The following CDH12 variants were observed in gnomAD, a reference collection of about 807,000 sequenced individuals.
CDH12 encodes cadherin 12, also known as cadherin-12.
A neutral mutation model predicts 74.1 loss-of-function variants in CDH12; 41 were observed. That is an observed-to-expected ratio of 0.55 (90% CI 0.43 to 0.72). The LOEUF is 0.72. CDH12 is among the 30% of genes least tolerant of loss of function. The pLI, the probability that CDH12 is intolerant of heterozygous loss-of-function variation, is 0.00. For missense variants in CDH12, 945 were observed against 977.2 expected, an observed-to-expected ratio of 0.97 and a Z score of 0.44; for synonymous variants, 399 against 355.0, an observed-to-expected ratio of 1.12 and a Z score of -1.39.
intron 10 of CDH12, among the ~76,000 whole-genome samples, chr5:21,798,742 T>C (rs1163010983): frequency 2.0e-5 from 3 of 152,118 alleles, no homozygotes; most frequent in African/African-American, 7.2e-5. Context: ...AGGCCTTTAT[T>C]AGACAATGGA....
intron 3 of CDH12, among the ~76,000 whole-genome samples, chr5:22,395,489 C>CTTTA (rs765191499): frequency 2.0e-5 from 3 of 152,122 alleles, no homozygotes; most frequent in Non-Finnish European, 4.4e-5. Context: ...AACTCATACC[C>CTTTA]TTTAATACAA....
chr5:22,836,223 C>CTTTTTTTCTTTTTTTT (rs1736816546), intron 1 of CDH12, among the ~76,000 whole-genome samples: 1 of 65,506 alleles, frequency 1.5e-5, no homozygotes, highest in Non-Finnish European at 2.6e-5. Context: ...CTTTCTTTCT[C>CTTTTTTTCTTTTTTTT]TTTTTTTTTT....
intron 1 of CDH12, among the ~76,000 whole-genome samples, chr5:22,621,316 T>C (rs989333421): frequency 6.6e-6 from 1 of 152,172 alleles, no homozygotes; most frequent in African/African-American, 2.4e-5. Flanking sequence ...TGTGTAAGAA[T>C]GTATTCACAG....
intron 2 of CDH12, among the ~76,000 whole-genome samples, chr5:22,454,773 C>T (rs1745198284): frequency 6.6e-6 from 1 of 152,194 alleles, no homozygotes. Context: ...CTGTGCCCAG[C>T]CTCTCTTCTT....
At chr5:21,830,368 A>T (rs1028750109) in intron 8 of CDH12, among the ~76,000 whole-genome samples, 2 of 152,052 alleles carry the variant, frequency 1.3e-5, no homozygotes, top group African/African-American at 4.8e-5. Flanking sequence ...AGAAGGAAAA[A>T]ATTAAAAATA....
intron 4 of CDH12, among the ~76,000 whole-genome samples, chr5:22,162,891 C>CTT (rs70957097): frequency 1.2e-4 from 10 of 80,512 alleles, no homozygotes; most frequent in African/African-American, 4.5e-4. Context: ...TTCCCTCTGA[C>CTT]TTTTTTTTTT....
intron 1 of CDH12, among the ~76,000 whole-genome samples, chr5:22,594,766 A>C (rs1736518655): frequency 6.6e-6 from 1 of 152,042 alleles, no homozygotes; most frequent in Non-Finnish European, 1.5e-5. Context: ...TGTTTATTGC[A>C]TCTTGATATT....
At chr5:22,058,099 C>T (rs1244581656) in intron 5 of CDH12, among the ~76,000 whole-genome samples, 3 of 151,968 alleles carry the variant, frequency 2.0e-5, no homozygotes, top group African/African-American at 7.3e-5. Context: ...CTCTGTCGCC[C>T]AGGCTGGAGT....
intron 1 of CDH12, among the ~76,000 whole-genome samples, chr5:22,817,769 C>T (rs16899875): frequency 0.024 from 3,644 of 152,226 alleles, 150 homozygotes; most frequent in African/African-American, 0.084. Context: ...AAGTAAATGG[C>T]TTGATGCCTT....
Position 21,875,958 on chromosome 5 carries a change from C to A in CDH12, c.527-21168G>T, listed in dbSNP as rs542312297. On this transcript the variant is annotated intron_variant, in intron 6 of 14. Transcript: ENST00000382254. ...CTCTCCATGCTGGAGTGCAGTGGCA[C>A]GATCTCGGTTCACCACAACCTCTGC... 2.0e-5 allele frequency among the ~76,000 whole-genome samples: 3 copies of A among 149,628 alleles called. No homozygotes were observed. In the South Asian group the frequency reaches 6.4e-4, roughly 32 times the overall value.
intron 1 of CDH12, among the ~76,000 whole-genome samples, chr5:22,511,435 C>G (rs2032944): frequency 0.14 from 21,239 of 151,052 alleles, 2,248 homozygotes; most frequent in East Asian, 0.37. Context: ...GGAATATTTA[C>G]AAAAAGAAAA....
intron 5 of CDH12, among the ~76,000 whole-genome samples, chr5:22,041,160 G>A (rs62349097): frequency 0.036 from 5,520 of 151,854 alleles, 140 homozygotes; most frequent in Non-Finnish European, 0.055. Flanking sequence ...AAGCCTCATG[G>A]AAACCACAAA....
rs560813543 is a variant in CDH12, at chr5:21,770,688, G to A, written c.1394-5589C>T. ...AGAACTTACAACAGAATTACTCTTC[G>A]ACCCAGCAATCCCGTTATTGGGTGC... On this transcript the variant is annotated intron_variant, in intron 11 of 14. Transcript: ENST00000382254. 1.1e-4 allele frequency among the ~76,000 whole-genome samples: 16 copies of A among 151,768 alleles called. No homozygotes were observed. In the East Asian group the frequency reaches 2.3e-3, roughly 22 times the overall value.
intron 1 of CDH12, among the ~76,000 whole-genome samples, chr5:22,816,554 T>G (rs1561051836): frequency 6.6e-6 from 1 of 152,194 alleles, no homozygotes; most frequent in East Asian, 1.9e-4. Flanking sequence ...CTTGGATGAC[T>G]AAGCCAATTT....
In CDH12 at chr5:21,853,249, T is replaced by C. The variant is rs116500865; in HGVS notation, c.646+1422A>G. On this transcript the variant is annotated intron_variant, in intron 7 of 14. Transcript: ENST00000382254. ...ATGGTAAGGTGTAATTTTCTCATCA[T>C]GCACTCACTTTTAACATTTGACAGA... 8.2e-3 allele frequency among the ~76,000 whole-genome samples: 1,238 copies of C among 151,714 alleles called. 11 individuals are homozygous for C. Among genetic ancestry groups the C allele is most frequent in the African/African-American group, 0.028 (1,174 of 41,494 alleles).
At chr5:21,880,667 CTTT>C (rs1752289574) in intron 6 of CDH12, among the ~76,000 whole-genome samples, 1 of 122,478 alleles carries the variant, frequency 8.2e-6, no homozygotes, top group African/African-American at 3.0e-5. Context: ...TTCTTTCTTT[CTTT>C]CTTTCTTTCT....
chr5:21,822,651 T>C (rs946683234), intron 8 of CDH12, among the ~76,000 whole-genome samples: 3 of 152,090 alleles, frequency 2.0e-5, no homozygotes, highest in African/African-American at 7.2e-5. Context: ...CCACTGCTGC[T>C]CATTCCCAGG....
intron 1 of CDH12, among the ~76,000 whole-genome samples, chr5:22,759,910 A>G (rs531203767): frequency 1.3e-5 from 2 of 152,298 alleles, no homozygotes; most frequent in East Asian, 3.9e-4. Flanking sequence ...CTACTGGTAG[A>G]ATTCCCCTTA....
intron 1 of CDH12, among the ~76,000 whole-genome samples, chr5:22,827,427 A>G (rs941358967): frequency 2.0e-5 from 3 of 152,256 alleles, no homozygotes; most frequent in African/African-American, 7.2e-5. Context: ...AGAAACATTT[A>G]TAAGACTGTA....
Sources: allele counts gnomAD v4.1 joint callset (sites outside exome capture counted in the v4.1 genomes callset), GRCh38; gene constraint gnomAD v4.1.1; transcripts MANE v1.5; gene names NCBI Gene and HGNC (gene_info 2026-07-23, HGNC 2026-07-21).